The following SMCR8 variants were observed in gnomAD, a reference collection of about 807,000 sequenced individuals.
SMCR8 encodes SMCR8-C9orf72 complex subunit, also known as guanine nucleotide exchange protein SMCR8.
Under a neutral mutation model 56.6 loss-of-function variants are expected in SMCR8, and 30 were observed. That is an observed-to-expected ratio of 0.53 (90% CI 0.40 to 0.72). The LOEUF is 0.72. SMCR8 is among the 30% of genes least tolerant of loss of function. The pLI, the probability that SMCR8 is intolerant of heterozygous loss-of-function variation, is 0.00. For missense variants in SMCR8, 1,198 were observed against 1,157.0 expected, an observed-to-expected ratio of 1.04 and a Z score of -0.51; for synonymous variants, 538 against 456.0, an observed-to-expected ratio of 1.18 and a Z score of -2.29.
In SMCR8 at chr17:18,317,360, C is replaced by G. The variant is rs8080966; in HGVS notation, c.1571C>G (p.Pro524Arg). The change falls in exon 1 of 2, where the codon CCC becomes CGC. Residue 524 changes from proline to arginine, a missense_variant. By Grantham distance (103) the Pro-to-Arg change is moderately radical. Transcript: ENST00000406438. ...AGTATTGAAGTCCTCAGTACCTGCC[C>G]CTCTGAGGCCCTCATCCCTGATGAC... is the stretch of plus-strand genomic sequence containing the variant. ...EDSIEVLSTC[P>R]SEALIPDDFK... The G allele has an allele frequency of 5.6e-6, 9 of 1,613,798 alleles. No homozygotes were observed. The African/African-American group carries it at 1.2e-4, about 22-fold the overall frequency.
chr17:18,316,359 A>G lies in SMCR8; in HGVS notation c.570A>G (p.Ala190=). The change falls in exon 1 of 2, where the codon GCA becomes GCG. Residue 190 remains alanine (A), a synonymous_variant. Coordinates refer to ENST00000406438, the MANE Select transcript of SMCR8 (RefSeq NM_144775.3). ...SECLKTGNRK[A]FAGELEKKLK... is the part of the protein sequence containing the mutation. ...GCTTGAAGACTGGCAACAGGAAGGC[A>G]TTTGCTGGGGAACTTGAAAAAAAGC... The G allele has an allele frequency of 6.2e-7, 1 of 1,614,212 alleles. No homozygotes were observed. Among genetic ancestry groups the G allele is most frequent in the South Asian group, 1.1e-5 (1 of 91,088 alleles).
At position 18,327,040 on chromosome 17, in the gene SMCR8, G is replaced by A. The variant is rs904467721; in HGVS notation, c.*3970G>A. On this transcript the variant is annotated 3_prime_UTR_variant, in exon 2 of 2. Coordinates refer to ENST00000406438, the MANE Select transcript of SMCR8 (RefSeq NM_144775.3). Reference sequence around the variant, plus strand: ...CTTTCTGGCTTTGCCCCAAAACTGTGATGGAACATAATAAAACTGGAGATA... The same window carrying A: ...CTTTCTGGCTTTGCCCCAAAACTGTAATGGAACATAATAAAACTGGAGATA... 18 of 152,638 alleles carry A rather than the reference G, an allele frequency of 1.2e-4. No homozygotes were observed. The highest frequency in any genetic ancestry group is 1.2e-3 in the Admixed American group (18 of 15,298). The allele number at this position is 152,638 out of a possible 1,614,324, so 9.5% of individuals were successfully genotyped here. A position where few individuals can be genotyped will look rare whatever the true frequency, so the allele number is the denominator to read the frequency against.
Position 18,316,099 on chromosome 17 carries a change from G to C in SMCR8, c.310G>C (p.Val104Leu). 6.2e-7 allele frequency: 1 copy of C among 1,614,030 alleles called. No individual in the cohort carries two copies. Among genetic ancestry groups the C allele is most frequent in the Non-Finnish European group, 8.5e-7 (1 of 1,180,016 alleles). ...IMSVDYQASF[V>L]GHPPGSAYPK... ...GTCTGTGGATTACCAGGCTTCCTTC[G>C]TGGGCCATCCTCCTGGATCTGCCTA... The change falls in exon 1 of 2, where the codon GTG (valine) becomes CTG (leucine). Residue 104 changes from valine (V) to leucine (L), a missense_variant. Val to Leu is a conservative substitution (Grantham distance 32). Coordinates refer to ENST00000406438, the MANE Select transcript of SMCR8 (RefSeq NM_144775.3).
chr17:18,316,190 C>T lies in SMCR8; in HGVS notation c.401C>T (p.Ala134Val). ...VLGDSKEGAF[A>V]YVHHLTLYDL... is the part of the protein sequence containing the mutation. The stretch of plus-strand genomic sequence containing the variant: ...GGAGATTCTAAGGAGGGCGCCTTTG[C>T]ATACGTGCACCACCTTACCCTATAC... The change falls in exon 1 of 2, where the codon GCA (alanine) becomes GTA (valine). Residue 134 changes from alanine to valine, a missense_variant. By Grantham distance (64) the Ala-to-Val change is moderately conservative. Coordinates refer to ENST00000406438, the MANE Select transcript of SMCR8 (RefSeq NM_144775.3). The T allele has an allele frequency of 6.2e-7, 1 of 1,613,994 alleles. No individual in the cohort carries two copies. Among genetic ancestry groups the T allele is most frequent in the Non-Finnish European group, 8.5e-7 (1 of 1,180,032 alleles).
chr17:18,316,980 G>A lies in SMCR8; in HGVS notation c.1191G>A (p.Arg397=). The part of the protein sequence containing the change: ...ESIPSKPSQD[R]PPSSSLEECP... The stretch of plus-strand genomic sequence containing the variant: ...TACCCTCTAAGCCCAGTCAAGACAG[G>A]CCGCCTTCCAGTTCTCTAGAAGAAT... The change falls in exon 1 of 2, where the codon AGG becomes AGA. Residue 397 remains arginine, a synonymous_variant. Transcript: ENST00000406438. 6.2e-7 allele frequency: 1 copy of A among 1,614,206 alleles called. No individual in the cohort carries two copies. Among genetic ancestry groups the A allele is most frequent in the Non-Finnish European group, 8.5e-7 (1 of 1,180,038 alleles).
intron 1 of SMCR8, among the ~76,000 whole-genome samples, chr17:18,322,128 C>T (rs965653646): frequency 2.0e-5 from 3 of 152,184 alleles, no homozygotes; most frequent in Non-Finnish European, 4.4e-5. Context: ...TCTCCTGCCT[C>T]AGCCGCCCAA....
intron 1 of SMCR8, among the ~76,000 whole-genome samples, chr17:18,320,562 T>C (rs1383852502): frequency 6.6e-6 from 1 of 152,124 alleles, no homozygotes; most frequent in Non-Finnish European, 1.5e-5. Flanking sequence ...TGTTTGACTC[T>C]GGCCAGCCCC....
rs775632160 is a variant in SMCR8, at chr17:18,317,824, A to G, written c.2035A>G (p.Ser679Gly). 4 of 1,614,142 alleles carry G rather than the reference A, an allele frequency of 2.5e-6. No individual in the cohort carries two copies. In the South Asian group the frequency reaches 4.4e-5, roughly 18 times the overall value. Residue 679 changes from serine (S) to glycine (G), a missense_variant, in exon 1 of 2, where the codon AGC (serine) becomes GGC (glycine). By Grantham distance (56) the Ser-to-Gly change is moderately conservative. Transcript: ENST00000406438. Reference protein sequence around the residue: ...DNYSDTTSYVSSVASTSSDRI... With the variant: ...DNYSDTTSYVGSVASTSSDRI... ...CTACTCAGACACCACCAGCTACGTGAGCAGTGTAGCGTCCACCAGCTCAGA... is the reference window on the plus strand; with the variant it reads ...CTACTCAGACACCACCAGCTACGTGGGCAGTGTAGCGTCCACCAGCTCAGA...
Position 18,317,220 on chromosome 17 carries a change from G to A in SMCR8, c.1431G>A (p.Thr477=), listed in dbSNP as rs780949260. The change falls in exon 1 of 2, where the codon ACG becomes ACA. Residue 477 remains threonine, a synonymous_variant. Transcript: ENST00000406438. ...GTGAAAGTATTGAAGTTTTGGGCAC[G>A]GAGAAATCCACCTCCGTGCTTTCTA... ...SSGESIEVLG[T]EKSTSVLSKS... is the part of the protein sequence containing the mutation. 8.7e-6 allele frequency: 14 copies of A among 1,613,968 alleles called. No homozygotes were observed. The highest frequency in any genetic ancestry group is 2.2e-5 in the East Asian group (1 of 44,890).
In SMCR8 at chr17:18,316,637, C is replaced by T; in HGVS notation, c.848C>T (p.Thr283Ile). 6.2e-7 allele frequency: 1 copy of T among 1,614,210 alleles called. No homozygotes were observed. The highest frequency in any genetic ancestry group is 8.5e-7 in the Non-Finnish European group (1 of 1,180,046). Reference sequence around the variant, plus strand: ...CAGGATCAGGCCAGCCAGGCATCCACTACCTCTAACCCTGATGAGTCTGCC... The same window carrying T: ...CAGGATCAGGCCAGCCAGGCATCCATTACCTCTAACCCTGATGAGTCTGCC... ...HIQDQASQAS[T>I]TSNPDESADT... Residue 283 changes from threonine to isoleucine, a missense_variant, in exon 1 of 2, where the codon ACT (threonine) becomes ATT (isoleucine). Thr to Ile is a moderately conservative substitution (Grantham distance 89). Coordinates refer to ENST00000406438, the MANE Select transcript of SMCR8 (RefSeq NM_144775.3).
chr17:18,321,279 C>T (rs1209905316), intron 1 of SMCR8, among the ~76,000 whole-genome samples: 6 of 152,166 alleles, frequency 3.9e-5, no homozygotes, highest in Admixed American at 6.5e-5. Flanking sequence ...TTTAAGGAAC[C>T]GCTCCCCTCA....
chr17:18,320,909 G>T (rs938467908), intron 1 of SMCR8, among the ~76,000 whole-genome samples: 1 of 152,192 alleles, frequency 6.6e-6, no homozygotes, highest in Non-Finnish European at 1.5e-5. Flanking sequence ...GAATCCCCCA[G>T]GTCTTCCCAA....
Position 18,316,614 on chromosome 17 carries a change from G to C in SMCR8, c.825G>C (p.Gln275His). ...DLCPGEMEHI[Q>H]DQASQASTTS... is the part of the protein sequence containing the mutation. ...GTCCTGGTGAGATGGAGCACATCCA[G>C]GATCAGGCCAGCCAGGCATCCACTA... is the stretch of plus-strand genomic sequence containing the variant. The change falls in exon 1 of 2, where the codon CAG (glutamine) becomes CAC (histidine). Residue 275 changes from glutamine (Q) to histidine (H), a missense_variant. By Grantham distance (24) the Gln-to-His change is conservative (BLOSUM62 0). Transcript: ENST00000406438. 1 of 1,614,158 alleles carries C rather than the reference G, an allele frequency of 6.2e-7. No individual in the cohort carries two copies. Among genetic ancestry groups the C allele is most frequent in the Non-Finnish European group, 8.5e-7 (1 of 1,180,026 alleles).
At position 18,315,945 on chromosome 17, in the gene SMCR8, G is replaced by C. The variant is rs202100652; in HGVS notation, c.156G>C (p.Lys52Asn). The change falls in exon 1 of 2, where the codon AAG (lysine) becomes AAC (asparagine). Residue 52 changes from lysine to asparagine, a missense_variant. Lys to Asn is a moderately conservative substitution (Grantham distance 94). Coordinates refer to ENST00000406438, the MANE Select transcript of SMCR8 (RefSeq NM_144775.3). ...ANPWSKLSGA[K>N]FSRDFILISE... is the part of the protein sequence containing the mutation. ...CCTGGTCAAAACTGTCCGGGGCCAA[G>C]TTTTCGAGGGACTTCATTCTTATTT... is the stretch of plus-strand genomic sequence containing the variant. The C allele has an allele frequency of 7.7e-5, 124 of 1,614,196 alleles. No homozygotes were observed. The highest frequency in any genetic ancestry group is 9.5e-5 in the Non-Finnish European group (112 of 1,180,044).
chr17:18,321,079 T>C (rs932107676), intron 1 of SMCR8, among the ~76,000 whole-genome samples: 4 of 152,240 alleles, frequency 2.6e-5, no homozygotes, highest in Admixed American at 6.5e-5. Flanking sequence ...TGGGATGTTA[T>C]AGATGCTCTG....
At chr17:18,320,529 C>G (rs898799293) in intron 1 of SMCR8, among the ~76,000 whole-genome samples, 1 of 152,148 alleles carries the variant, frequency 6.6e-6, no homozygotes, top group Non-Finnish European at 1.5e-5. Flanking sequence ...ACCTGTGGAG[C>G]TGGATGTGCG....
At position 18,322,782 on chromosome 17, in the gene SMCR8, C is replaced by G; in HGVS notation, c.2526C>G (p.Thr842=). The stretch of plus-strand genomic sequence containing the variant: ...GCACACAGATCAAGCGGGGCAGCAC[C>G]TACTACCTGCATGTCCAGAGCATGC... The part of the protein sequence containing the change: ...DHRTQIKRGS[T]YYLHVQSMLT... The change falls in exon 2 of 2, where the codon ACC becomes ACG. Residue 842 remains threonine, a synonymous_variant. Transcript: ENST00000406438. 1 of 1,614,170 alleles carries G rather than the reference C, an allele frequency of 6.2e-7. No individual in the cohort carries two copies. The highest frequency in any genetic ancestry group is 1.1e-5 in the South Asian group (1 of 91,088).
In SMCR8 at chr17:18,325,386, T is replaced by G. The variant is rs988864210; in HGVS notation, c.*2316T>G. On this transcript the variant is annotated 3_prime_UTR_variant, in exon 2 of 2. Transcript: ENST00000406438. ...GGTCCTGAAACCTAAGGCAAAAGGC[T>G]GCTGGGGCATGAACAGAACAGACCG... The G allele has an allele frequency of 6.6e-6, 1 of 152,278 alleles. No homozygotes were observed. Among genetic ancestry groups the G allele is most frequent in the Non-Finnish European group, 1.5e-5 (1 of 68,072 alleles). The allele number at this position is 152,278 out of a possible 1,614,324, so 9.4% of individuals were successfully genotyped here. A position where few individuals can be genotyped will look rare whatever the true frequency, so the allele number is the denominator to read the frequency against.
Position 18,327,475 on chromosome 17 carries a change from C to G in SMCR8, c.*4405C>G, listed in dbSNP as rs1244367252. The G allele has an allele frequency of 6.6e-6, 1 of 152,226 alleles. No homozygotes were observed. The highest frequency in any genetic ancestry group is 1.5e-5 in the Non-Finnish European group (1 of 68,064). The allele number at this position is 152,226 out of a possible 1,614,324, so 9.4% of individuals were successfully genotyped here. A position where few individuals can be genotyped will look rare whatever the true frequency, so the allele number is the denominator to read the frequency against. ...GGACTGGTGAGTCAACTCACAGATT[C>G]TGCAGCAGCTGCTCCACCCACAATA... On this transcript the variant is annotated 3_prime_UTR_variant, in exon 2 of 2. Transcript: ENST00000406438.
Sources: allele counts gnomAD v4.1 joint callset (sites outside exome capture counted in the v4.1 genomes callset), GRCh38; gene constraint gnomAD v4.1.1; transcripts MANE v1.5; gene names NCBI Gene and HGNC (gene_info 2026-07-23, HGNC 2026-07-21).